Variants in PKIA observed in about 807,000 individuals in gnomAD.
PKIA encodes the protein PKI-alpha.
A neutral mutation model predicts 7.6 loss-of-function variants in PKIA; 4 were observed. The ratio of observed to expected loss-of-function variants is 0.52; its 90% confidence interval spans 0.26 to 1.20. The LOEUF is 1.20. PKIA is among the 50% of genes most tolerant of loss of function. PKIA has a pLI of 0.13. For synonymous variants in PKIA, 21 were observed against 30.7 expected (o/e 0.68, Z 1.04); for missense variants, 73 against 86.2 (o/e 0.85, Z 0.61).
chr8:78,532,701 G>A (rs763135970), intron 1 of PKIA, among the ~76,000 whole-genome samples: 4 of 151,948 alleles, frequency 2.6e-5, no homozygotes, highest in Admixed American at 1.3e-4. Flanking sequence ...AAGACCAGGA[G>A]ATCAAGACCA....
chr8:78,570,656 A>G (rs1160127037), intron 1 of PKIA, among the ~76,000 whole-genome samples: 3 of 151,336 alleles, frequency 2.0e-5, no homozygotes, highest in Non-Finnish European at 4.4e-5. Flanking sequence ...TCTTCCTTAC[A>G]ATTAAATTCC....
chr8:78,582,788 A>G (rs1190630884), intron 2 of PKIA, among the ~76,000 whole-genome samples: 2 of 152,160 alleles, frequency 1.3e-5, no homozygotes, highest in Non-Finnish European at 2.9e-5. Flanking sequence ...CACACTCGCA[A>G]ACTCAAAACA....
At chr8:78,577,814 T>C (rs1293743726) in intron 2 of PKIA, among the ~76,000 whole-genome samples, 1 of 152,018 alleles carries the variant, frequency 6.6e-6, no homozygotes, top group East Asian at 1.9e-4. Context: ...ATATTCAGAA[T>C]TATCTGCTAG....
chr8:78,571,017 C>A (rs1807534253), intron 1 of PKIA, among the ~76,000 whole-genome samples: 3 of 152,008 alleles, frequency 2.0e-5, no homozygotes, highest in African/African-American at 7.2e-5. Context: ...AAAGTAAATT[C>A]TTGATGCTAA....
intron 2 of PKIA, among the ~76,000 whole-genome samples, chr8:78,584,028 G>C (rs1167181581): frequency 6.6e-6 from 1 of 152,004 alleles, no homozygotes; most frequent in Non-Finnish European, 1.5e-5. Context: ...ATTTCTATAA[G>C]ACTTTTAAAA....
Sources: allele counts gnomAD v4.1 joint callset (sites outside exome capture counted in the v4.1 genomes callset), GRCh38; gene constraint gnomAD v4.1.1; transcripts MANE v1.5; gene names NCBI Gene and HGNC (gene_info 2026-07-23, HGNC 2026-07-21).